The following FBLN1 variants were observed in gnomAD, a reference collection of about 807,000 sequenced individuals.
The protein encoded by FBLN1 is fibulin 1.
Under a neutral mutation model 89.7 loss-of-function variants are expected in FBLN1, and 34 were observed. The ratio of observed to expected loss-of-function variants is 0.38; its 90% CI spans 0.29 to 0.50. The LOEUF is 0.50. FBLN1 is among the 20% of genes least tolerant of loss of function. The pLI is 0.92. For missense variants in FBLN1, 777 were observed against 988.1 expected, an observed-to-expected ratio of 0.79 and a Z score of 2.86; for synonymous variants, 393 against 391.3, an observed-to-expected ratio of 1.00 and a Z score of -0.05.
chr22:45,565,827 C>T (rs148714331), intron 14 of FBLN1: 1,764 of 153,776 alleles, frequency 0.011, 35 homozygotes, highest in African/African-American at 0.037. Context: ...TTTGGGAGGC[C>T]GAAGCAGGCA....
intron 14 of FBLN1, among the ~76,000 whole-genome samples, chr22:45,560,725 A>G (rs1408013639): frequency 1.3e-5 from 2 of 152,166 alleles, no homozygotes; most frequent in Non-Finnish European, 1.5e-5. Context: ...GTTTCTATAA[A>G]TTAGAAAACT....
rs1221449463 is a variant in FBLN1, at chr22:45,574,918, A to ACTACAGGC, written c.1840+266_1840+273dup. Among the ~76,000 whole-genome samples, 1 of 151,054 alleles carries ACTACAGGC rather than the reference A, an allele frequency of 6.6e-6. No homozygotes were observed. The highest frequency in any genetic ancestry group is 6.6e-5 in the Admixed American group (1 of 15,120). On this transcript the variant is annotated intron_variant, in intron 15 of 16. Coordinates refer to ENST00000327858, the MANE Select transcript of FBLN1 (RefSeq NM_006486.3). The surrounding 1 kb of genome is among the most constrained non-coding windows in gnomAD (Gnocchi z 4.1). ...TGCCTCAGCCTTCCGAGTAGCTGGG[A>ACTACAGGC]CTACAGGCGCCCGCCACCACGCCTG...
Position 45,574,414 on chromosome 22 carries a change from T to A in FBLN1, c.1698-97T>A. 1.3e-5 allele frequency: 17 copies of A among 1,349,676 alleles called. No homozygotes were observed. The highest frequency in any genetic ancestry group is 1.7e-5 in the Non-Finnish European group (16 of 955,038). 83.6% of individuals were successfully genotyped at this position (1,349,676 alleles called of 1,614,324 possible). A position where few individuals can be genotyped will look rare whatever the true frequency, so the allele number is the denominator to read the frequency against. ...GAGCTGTCTCTGGGACAGATGCCCC[T>A]GCCCTGGCCACCTGCTCCTCCTCCC... On this transcript the variant is annotated intron_variant, in intron 14 of 16. Transcript: ENST00000327858. The surrounding 1 kb of genome is among the most constrained non-coding windows in gnomAD (Gnocchi z 4.1).
rs577845238 is a variant in FBLN1, at chr22:45,502,899, C to T, written c.-87C>T. 9 of 472,740 alleles carry T rather than the reference C, an allele frequency of 1.9e-5. No homozygotes were observed. The highest frequency in any genetic ancestry group is 1.9e-4 in the African/African-American group (9 of 47,502). 29.3% of individuals were successfully genotyped at this position (472,740 alleles called of 1,614,324 possible). A position where few individuals can be genotyped will look rare whatever the true frequency, so the allele number is the denominator to read the frequency against. On this transcript the variant is annotated 5_prime_UTR_variant, in exon 1 of 17. Coordinates refer to ENST00000327858, the MANE Select transcript of FBLN1 (RefSeq NM_006486.3). ...TGGCCCAGCGTTGGCTGCCGAGGCTCGGCCGGAGCGTGGAGCCCGCGCCGC... is the reference window on the plus strand; with the variant it reads ...TGGCCCAGCGTTGGCTGCCGAGGCTTGGCCGGAGCGTGGAGCCCGCGCCGC...
rs1452980983 is a variant in FBLN1 at position 45,503,077 on chromosome 22, C to G, written c.79+13C>G. The G allele has an allele frequency of 5.1e-5, 63 of 1,232,512 alleles. No individual in the cohort carries two copies. Among genetic ancestry groups the G allele is most frequent in the Non-Finnish European group, 6.1e-5 (60 of 987,392 alleles). 76.3% of individuals were successfully genotyped at this position (1,232,512 alleles called of 1,614,324 possible). A position where few individuals can be genotyped will look rare whatever the true frequency, so the allele number is the denominator to read the frequency against. On this transcript the variant is annotated intron_variant, in intron 1 of 16. Coordinates refer to ENST00000327858, the MANE Select transcript of FBLN1 (RefSeq NM_006486.3). ...CTGGCGGCCGGAGGTAGGGGCGTCCCGGGTCCGCCGCCCCAGCTTAGGGTC... is the reference window on the plus strand; with the variant it reads ...CTGGCGGCCGGAGGTAGGGGCGTCCGGGGTCCGCCGCCCCAGCTTAGGGTC...
At chr22:45,570,255 G>A (rs1439589835) in intron 14 of FBLN1, among the ~76,000 whole-genome samples, 3 of 147,162 alleles carry the variant, frequency 2.0e-5, no homozygotes, top group Non-Finnish European at 3.0e-5. Context: ...GGGAGGCAGA[G>A]GTTGCAGTGA....
At position 45,577,482 on chromosome 22, in the gene FBLN1, G is replaced by A. The variant is rs1279533101; in HGVS notation, c.1972+374G>A. ...GGCTGGCACAGTCCCGCGGTCGGTG[G>A]GAGCTAAGGGGATTGTTATTCTTGG... On this transcript the variant is annotated intron_variant, in intron 16 of 16. Transcript: ENST00000327858. This position sits in a 1 kb window ranked among gnomAD's most constrained non-coding sequence, Gnocchi z 6.6. Among the ~76,000 whole-genome samples, 1 of 152,216 alleles carries A rather than the reference G, an allele frequency of 6.6e-6. No individual in the cohort carries two copies. The highest frequency in any genetic ancestry group is 2.4e-5 in the African/African-American group (1 of 41,446).
Position 45,502,975 on chromosome 22 carries a change from G to A in FBLN1, c.-11G>A. 8.5e-7 allele frequency: 1 copy of A among 1,171,380 alleles called. No individual in the cohort carries two copies. Among genetic ancestry groups the A allele is most frequent in the Non-Finnish European group, 1.1e-6 (1 of 948,404 alleles). 72.6% of individuals were successfully genotyped at this position (1,171,380 alleles called of 1,614,324 possible). On this transcript the variant is annotated 5_prime_UTR_variant, in exon 1 of 17. Transcript: ENST00000327858. Reference sequence around the variant, plus strand: ...TGTCCGCCGCCGCCCACCGCCCGTCGCCCGCCGCCCATGGAGCGCGCCGCG... The same window carrying A: ...TGTCCGCCGCCGCCCACCGCCCGTCACCCGCCGCCCATGGAGCGCGCCGCG...
chr22:45,551,472 C>A (rs2088700152), intron 14 of FBLN1, among the ~76,000 whole-genome samples: 1 of 152,242 alleles, frequency 6.6e-6, no homozygotes, highest in Admixed American at 6.5e-5. Context: ...ACCCTAGGGG[C>A]AGCTGCCCTG....
chr22:45,539,645 G>T (rs1176099125), intron 8 of FBLN1, among the ~76,000 whole-genome samples: 1 of 152,234 alleles, frequency 6.6e-6, no homozygotes, highest in Non-Finnish European at 1.5e-5. Flanking sequence ...CAAGTGAACG[G>T]GGACCTTGGT....
chr22:45,577,994 C>T lies in FBLN1; in HGVS notation c.1972+886C>T, dbSNP rs1249860648. 1 of 152,476 alleles carries T rather than the reference C, an allele frequency of 6.6e-6. No homozygotes were observed. The highest frequency in any genetic ancestry group is 2.4e-5 in the African/African-American group (1 of 41,456). The allele number at this position is 152,476 out of a possible 1,614,324, so 9.4% of individuals were successfully genotyped here. ...CTGCCATTTTGGACTCGGATTTATA[C>T]TCTGAACACTTTCAAAGCAGCTGAG... On this transcript the variant is annotated intron_variant, in intron 16 of 16. Transcript: ENST00000327858. This position sits in a 1 kb window ranked among gnomAD's most constrained non-coding sequence, Gnocchi z 6.6.
At chr22:45,543,108 A>C (rs1439888882) in intron 10 of FBLN1, among the ~76,000 whole-genome samples, 2 of 152,202 alleles carry the variant, frequency 1.3e-5, no homozygotes, top group East Asian at 1.9e-4. Flanking sequence ...CTCTACAAAA[A>C]ATACAAAAAT....
rs998486072 is a variant in FBLN1, at chr22:45,580,056, C to T, written c.1972+2948C>T. 5.9e-5 allele frequency among the ~76,000 whole-genome samples: 9 copies of T among 152,106 alleles called. No homozygotes were observed. The highest frequency in any genetic ancestry group is 1.0e-4 in the Non-Finnish European group (7 of 68,014). ...CAGTCCTCACAGACACTGCCAGCGACGGGTCATGATTGTCTCCCTTGGGCA... is the reference window on the plus strand; with the variant it reads ...CAGTCCTCACAGACACTGCCAGCGATGGGTCATGATTGTCTCCCTTGGGCA... On this transcript the variant is annotated intron_variant, in intron 16 of 16. Transcript: ENST00000327858. This position sits in a 1 kb window ranked among gnomAD's most constrained non-coding sequence, Gnocchi z 8.6.
chr22:45,552,777 C>T (rs2088721320), intron 14 of FBLN1, among the ~76,000 whole-genome samples: 1 of 152,204 alleles, frequency 6.6e-6, no homozygotes. Context: ...GGAAGCTGGG[C>T]CGCAAACCAC....
In FBLN1 at chr22:45,555,790, T is replaced by C. The variant is rs545417542; in HGVS notation, c.1697+5175T>C. Among the ~76,000 whole-genome samples the C allele has an allele frequency of 3.3e-5, 5 of 152,226 alleles. No individual in the cohort carries two copies. The South Asian group carries it at 1.0e-3, about 32-fold the overall frequency. ...TCTTCAAATAAAGACAATAATAAGA[T>C]CATAATTACACCTAACATAACTATA... On this transcript the variant is annotated intron_variant, in intron 14 of 16. Transcript: ENST00000327858.
chr22:45,600,351 G>A lies in FBLN1; in HGVS notation c.2017G>A (p.Val673Ile), dbSNP rs760646592. 1.9e-5 allele frequency: 31 copies of A among 1,614,048 alleles called. No homozygotes were observed. In the South Asian group the frequency reaches 2.0e-4, roughly 10 times the overall value. Residue 673 changes from valine (V) to isoleucine (I), a missense_variant, in exon 17 of 17, where the codon GTC becomes ATC. Val to Ile is a conservative substitution (Grantham distance 29, BLOSUM62 3). Transcript: ENST00000327858. ...GCCCATCGTGGGCCCATTTCATGCC[G>A]TCCTGAAGCTGGAGATGAACTATGT... is the stretch of plus-strand genomic sequence containing the variant. Reference protein sequence around the residue: ...VRPIVGPFHAVLKLEMNYVVG... With the variant: ...VRPIVGPFHAILKLEMNYVVG...
Position 45,541,251 on chromosome 22 carries a change from C to T in FBLN1, c.945C>T (p.Ile315=), listed in dbSNP as rs1288087442. The change falls in exon 9 of 17, where the codon ATC becomes ATT. Residue 315 remains isoleucine, a synonymous_variant. Transcript: ENST00000327858. The part of the protein sequence containing the change: ...NCIDINECLS[I]SAPCPIGHTC... ...TAGATATCAATGAGTGTTTGAGTAT[C>T]AGTGCCCCGTGCCCTATCGGGCATA... 6.2e-7 allele frequency: 1 copy of T among 1,614,242 alleles called. No homozygotes were observed. Among genetic ancestry groups the T allele is most frequent in the Non-Finnish European group, 8.5e-7 (1 of 1,180,034 alleles).
rs955197927 is a variant in FBLN1, at chr22:45,575,376, TG to T, written c.1840+730del. ...ACATGGCCAGAAGGGTCTGGAGGTA[TG>T]GGGGGGCGGTGTGGGCGTTTGAGAA... On this transcript the variant is annotated intron_variant, in intron 15 of 16. Coordinates refer to ENST00000327858, the MANE Select transcript of FBLN1 (RefSeq NM_006486.3). This position sits in a 1 kb window ranked among gnomAD's most constrained non-coding sequence, Gnocchi z 6.3. Among the ~76,000 whole-genome samples, 1 of 151,158 alleles carries T rather than the reference TG, an allele frequency of 6.6e-6. No individual in the cohort carries two copies. Among genetic ancestry groups the T allele is most frequent in the South Asian group, 2.1e-4 (1 of 4,734 alleles).
chr22:45,543,321 G>C lies in FBLN1; in HGVS notation c.1196-80G>C. ...GGAGGAGGTGGAGGACAAAGGACAT[G>C]AGCTGGCCTTACTAGGAGGGTGGAG... On this transcript the variant is annotated intron_variant, in intron 10 of 16. Coordinates refer to ENST00000327858, the MANE Select transcript of FBLN1 (RefSeq NM_006486.3). 6 of 1,546,828 alleles carry C rather than the reference G, an allele frequency of 3.9e-6. No individual in the cohort carries two copies. The South Asian group carries it at 5.6e-5, about 15-fold the overall frequency.
Sources: allele counts gnomAD v4.1 joint callset (sites outside exome capture counted in the v4.1 genomes callset), GRCh38; gene constraint gnomAD v4.1.1; non-coding constraint Gnocchi (gnomAD v3.1); transcripts MANE v1.5; gene names NCBI Gene and HGNC (gene_info 2026-07-23, HGNC 2026-07-21).